The following UMAD1 variants were observed in gnomAD, a reference collection of about 807,000 sequenced individuals.
UMAD1 encodes UBAP1-MVB12-associated (UMA)-domain containing protein 1.
In UMAD1, 8 loss-of-function variants were observed where a neutral mutation model predicts 6.1. That is an observed-to-expected ratio of 1.30 (90% CI 0.76 to 2.35). UMAD1 has a LOEUF of 2.35. UMAD1 is among the 30% of genes most tolerant of loss of function. UMAD1 has a pLI of 0.00. For missense variants in UMAD1, 130 were observed against 78.4 expected (o/e 1.66, Z -2.49); for synonymous variants, 56 against 31.4 (o/e 1.78, Z -2.61).
At chr7:7,676,471 A>G (rs921915304) in intron 2 of UMAD1, among the ~76,000 whole-genome samples, 2 of 152,184 alleles carry the variant, frequency 1.3e-5, no homozygotes, top group Non-Finnish European at 1.5e-5. Flanking sequence ...CCACTGAACT[A>G]TCCATCTTTT....
At chr7:7,828,070 G>T (rs1481859285) in intron 3 of UMAD1, among the ~76,000 whole-genome samples, 1 of 152,158 alleles carries the variant, frequency 6.6e-6, no homozygotes, top group African/African-American at 2.4e-5. Flanking sequence ...GAATGAAAGA[G>T]ACTCTTTGTC....
At chr7:7,803,531 C>A (rs974333164) in intron 3 of UMAD1, among the ~76,000 whole-genome samples, 4 of 152,182 alleles carry the variant, frequency 2.6e-5, no homozygotes, top group Admixed American at 6.5e-5. Flanking sequence ...GTTCAAAAAT[C>A]ATCCACAATT....
intron 2 of UMAD1, among the ~76,000 whole-genome samples, chr7:7,755,550 ATC>A (rs1781760861): frequency 6.6e-6 from 1 of 152,216 alleles, no homozygotes; most frequent in African/African-American, 2.4e-5. Context: ...AAGGAGAAAA[ATC>A]TCTCTGCTTC....
intron 3 of UMAD1, among the ~76,000 whole-genome samples, chr7:7,804,595 A>C (rs6964935): frequency 0.47 from 70,807 of 151,890 alleles, 17,182 homozygotes; most frequent in African/African-American, 0.6. Flanking sequence ...ACTGCTTGAA[A>C]CTGGGAGGCG....
At position 7,864,897 on chromosome 7, in the gene UMAD1, A is replaced by G. The variant is rs528505903; in HGVS notation, c.157-12384A>G. On this transcript the variant is annotated intron_variant, in intron 3 of 3. Transcript: ENST00000682710. ...TTGAGTTAATCACCAGTGGCCAATG[A>G]TTTTTATGCCTATGTAATAAAACCT... Among the ~76,000 whole-genome samples, 3 of 152,252 alleles carry G rather than the reference A, an allele frequency of 2.0e-5. No homozygotes were observed. The East Asian group carries it at 5.8e-4, about 29-fold the overall frequency.
rs1779657367 is a variant in UMAD1, at chr7:7,673,356, A to G, written c.-16A>G. Reference sequence around the variant, plus strand: ...CAGCAGCAGCAGCAGCAGCAGCAGCAGCAGCAGCAGCAGCAATGTTTCACT... The same window carrying G: ...CAGCAGCAGCAGCAGCAGCAGCAGCGGCAGCAGCAGCAGCAATGTTTCACT... On this transcript the variant is annotated 5_prime_UTR_variant, in exon 2 of 4. Coordinates refer to ENST00000682710, the MANE Select transcript of UMAD1 (RefSeq NM_001302348.2). The G allele has an allele frequency of 7.8e-7, 1 of 1,287,796 alleles. No individual in the cohort carries two copies. The highest frequency in any genetic ancestry group is 1.3e-5 in the South Asian group (1 of 78,564). The allele number at this position is 1,287,796 out of a possible 1,614,324, so 79.8% of individuals were successfully genotyped here. A position where few individuals can be genotyped will look rare whatever the true frequency, so the allele number is the denominator to read the frequency against.
chr7:7,704,530 C>T (rs954287837), intron 2 of UMAD1, among the ~76,000 whole-genome samples: 4 of 144,364 alleles, frequency 2.8e-5, no homozygotes, highest in South Asian at 2.2e-4. Flanking sequence ...CCGAGGTGGG[C>T]GGATCACAAA....
chr7:7,862,838 C>A (rs1784139339), intron 3 of UMAD1, among the ~76,000 whole-genome samples: 1 of 152,066 alleles, frequency 6.6e-6, no homozygotes, highest in South Asian at 2.1e-4. Flanking sequence ...AACAAAAAAA[C>A]TACAGACAAG....
chr7:7,704,027 A>G (rs1780532118), intron 2 of UMAD1, among the ~76,000 whole-genome samples: 1 of 152,172 alleles, frequency 6.6e-6, no homozygotes, highest in Non-Finnish European at 1.5e-5. Context: ...CCTTAGAGCA[A>G]CAGTTCTCAA....
intron 1 of UMAD1, among the ~76,000 whole-genome samples, chr7:7,662,284 TC>T: frequency 6.6e-6 from 1 of 152,270 alleles, no homozygotes; most frequent in South Asian, 2.1e-4. Context: ...ACCACTTGGC[TC>T]CCTGGCTTCA....
chr7:7,782,905 G>A (rs1041083228), intron 2 of UMAD1, among the ~76,000 whole-genome samples: 2 of 151,630 alleles, frequency 1.3e-5, no homozygotes, highest in African/African-American at 4.9e-5. Context: ...AATATTTTTT[G>A]TATTTTTTAT....
chr7:7,767,271 A>G (rs1221327938), intron 2 of UMAD1, among the ~76,000 whole-genome samples: 2 of 151,904 alleles, frequency 1.3e-5, no homozygotes, highest in East Asian at 1.9e-4. Flanking sequence ...ACTAACAGGC[A>G]CCTGCCACCA....
At chr7:7,782,594 A>G (rs13235500) in intron 2 of UMAD1, among the ~76,000 whole-genome samples, 18,857 of 151,992 alleles carry the variant, frequency 0.12, 1,556 homozygotes, top group Non-Finnish European at 0.18. Flanking sequence ...GTTTAATCCT[A>G]AAGATAGTTT....
In UMAD1 at chr7:7,695,986, T is replaced by G. The variant is rs544291494; in HGVS notation, c.82+22533T>G. Among the ~76,000 whole-genome samples the G allele has an allele frequency of 2.6e-5, 4 of 151,362 alleles. No homozygotes were observed. In the South Asian group the frequency reaches 6.3e-4, roughly 24 times the overall value. On this transcript the variant is annotated intron_variant, in intron 2 of 3. Coordinates refer to ENST00000682710, the MANE Select transcript of UMAD1 (RefSeq NM_001302348.2). ...ACCCTACTGTGTATATCTCCGTTTTTTTTTTTTTTTTCTGATAAACTTACC... is the reference window on the plus strand; with the variant it reads ...ACCCTACTGTGTATATCTCCGTTTTGTTTTTTTTTTTCTGATAAACTTACC...
chr7:7,872,095 TA>T (rs1475677326), intron 3 of UMAD1, among the ~76,000 whole-genome samples: 1 of 146,834 alleles, frequency 6.8e-6, no homozygotes, highest in Non-Finnish European at 1.5e-5. Context: ...AAATAAAAAA[TA>T]AAAAATAAAA....
chr7:7,764,895 CCTTCCCT>C (rs1376347601), intron 2 of UMAD1, among the ~76,000 whole-genome samples: 2 of 152,112 alleles, frequency 1.3e-5, no homozygotes, highest in Non-Finnish European at 2.9e-5. Context: ...TGAAGCACTT[CCTTCCCT>C]GTATGTACCT....
rs1350839827 is a variant in UMAD1 at position 7,805,025 on chromosome 7, C to A, written c.156+3282C>A. 2.6e-5 allele frequency among the ~76,000 whole-genome samples: 4 copies of A among 152,050 alleles called. No homozygotes were observed. The East Asian group carries it at 7.7e-4, about 29-fold the overall frequency. On this transcript the variant is annotated intron_variant, in intron 3 of 3. Coordinates refer to ENST00000682710, the MANE Select transcript of UMAD1 (RefSeq NM_001302348.2). Reference sequence around the variant, plus strand: ...AAACAAAACAAAACAAAAGTGAAAACACTGCTGAACGCTCGCTACCCTTCA... The same window carrying A: ...AAACAAAACAAAACAAAAGTGAAAAAACTGCTGAACGCTCGCTACCCTTCA...
At chr7:7,847,960 G>A (rs1038748981) in intron 3 of UMAD1, among the ~76,000 whole-genome samples, 6 of 152,118 alleles carry the variant, frequency 3.9e-5, no homozygotes, top group Admixed American at 6.5e-5. Context: ...GATATTTTTA[G>A]TTGACAGTCA....
intron 2 of UMAD1, among the ~76,000 whole-genome samples, chr7:7,731,693 G>T (rs1479962294): frequency 1.3e-5 from 2 of 152,174 alleles, no homozygotes; most frequent in East Asian, 1.9e-4. Flanking sequence ...TTTTTTTAAA[G>T]AATAGAAATC....
Sources: gnomAD v4.1 joint callset for allele counts (sites outside exome capture counted in the v4.1 genomes callset) on GRCh38, gnomAD v4.1.1 for gene constraint, MANE v1.5 for transcripts, NCBI Gene and HGNC (gene_info 2026-07-23, HGNC 2026-07-21) for gene names.